The following BCL2 variants were observed in gnomAD, a reference collection of about 807,000 sequenced individuals.
BCL2 encodes the protein apoptosis regulator Bcl-2.
In BCL2, 1 loss-of-function variant was observed where a neutral mutation model predicts 14.2. The observed-to-expected ratio is 0.07, with a 90% confidence interval of 0.02 to 0.33. The LOEUF is 0.33. Among genes scored for constraint, BCL2 ranks in the 10% least tolerant of loss-of-function variants. BCL2 has a pLI of 0.99. For missense variants in BCL2, 247 were observed against 305.9 expected (o/e 0.81, Z 1.44); for synonymous variants, 151 against 137.2 (o/e 1.10, Z -0.70).
chr18:63,142,170 A>G (rs537153742), intron 2 of BCL2, among the ~76,000 whole-genome samples: 13 of 152,342 alleles, frequency 8.5e-5, no homozygotes, highest in African/African-American at 3.1e-4. Flanking sequence ...TGGGGAGTAC[A>G]AAGAACCTGC....
intron 2 of BCL2, among the ~76,000 whole-genome samples, chr18:63,238,559 C>G (rs1225552187): frequency 6.6e-6 from 1 of 152,212 alleles, no homozygotes; most frequent in East Asian, 1.9e-4. Flanking sequence ...TTGCAATGTT[C>G]TGTCCCCGTT....
intron 2 of BCL2, among the ~76,000 whole-genome samples, chr18:63,301,088 G>A (rs1052620022): frequency 1.5e-4 from 23 of 152,314 alleles, no homozygotes; most frequent in Admixed American, 1.3e-3. Flanking sequence ...CTGAAAATAT[G>A]TTAGATAAAA....
At chr18:63,216,400 TAA>T (rs35457535) in intron 2 of BCL2, among the ~76,000 whole-genome samples, 78 of 134,906 alleles carry the variant, frequency 5.8e-4, no homozygotes, top group East Asian at 2.6e-3. Flanking sequence ...AAATGTTTTC[TAA>T]AAAAAAAAAA....
At position 63,127,052 on chromosome 18, in the gene BCL2, C is replaced by CAGG; in HGVS notation, c.*1570_*1572dup. 1 of 227,552 alleles carries CAGG rather than the reference C, an allele frequency of 4.4e-6. No individual in the cohort carries two copies. The allele number at this position is 227,552 out of a possible 1,614,324, so 14.1% of individuals were successfully genotyped here. ...ACCATTGATTTTTTTTTTAATGCCC[C>CAGG]AGGATGTACAGATAACCCCCATATT... On this transcript the variant is annotated 3_prime_UTR_variant, in exon 3 of 3. Transcript: ENST00000333681.
upstream of BCL2, chr18:63,319,837 G>A (rs1186438878): frequency 5.5e-6 from 1 of 180,820 alleles, no homozygotes; most frequent in Non-Finnish European, 1.2e-5. Context: ...TGACTGCTAC[G>A]AAGTTCTCCC....
intron 2 of BCL2, among the ~76,000 whole-genome samples, chr18:63,136,971 T>C (rs1424213064): frequency 6.6e-6 from 1 of 152,240 alleles, no homozygotes; most frequent in East Asian, 1.9e-4. Context: ...CACTTCTCTC[T>C]CCCTTTACCT....
intron 2 of BCL2, among the ~76,000 whole-genome samples, chr18:63,177,408 G>A (rs569038547): frequency 1.3e-5 from 2 of 152,212 alleles, no homozygotes; most frequent in African/African-American, 4.8e-5. Flanking sequence ...AAGAAACCAG[G>A]CCTGACCCAG....
chr18:63,260,446 A>C (rs1052637935), intron 2 of BCL2, among the ~76,000 whole-genome samples: 3 of 152,228 alleles, frequency 2.0e-5, no homozygotes, highest in African/African-American at 7.2e-5. Flanking sequence ...CTTAGCAGTT[A>C]CTAGTCCATA....
chr18:63,178,019 A>G (rs1306640664), intron 2 of BCL2, among the ~76,000 whole-genome samples: 1 of 152,210 alleles, frequency 6.6e-6, no homozygotes, highest in Non-Finnish European at 1.5e-5. Context: ...TCACAGTCCC[A>G]GTGTGAGCTC....
At chr18:63,256,703 T>G (rs34971240) in intron 2 of BCL2, among the ~76,000 whole-genome samples, 94,396 of 151,878 alleles carry the variant, frequency 0.62, 32,434 homozygotes, top group Non-Finnish European at 0.79. Flanking sequence ...GGGTATGGGG[T>G]TCTACTTACA....
At chr18:63,204,403 C>G (rs1207888247) in intron 2 of BCL2, among the ~76,000 whole-genome samples, 1 of 152,198 alleles carries the variant, frequency 6.6e-6, no homozygotes. Flanking sequence ...GCCAACCCCT[C>G]TCTGTTTTTG....
intron 2 of BCL2, among the ~76,000 whole-genome samples, chr18:63,155,270 C>G (rs930271301): frequency 1.3e-5 from 2 of 152,184 alleles, no homozygotes; most frequent in African/African-American, 4.8e-5. Context: ...AGGCTCGGGA[C>G]AGCAGGGCCA....
intron 2 of BCL2, among the ~76,000 whole-genome samples, chr18:63,221,610 G>C (rs957840319): frequency 4.6e-5 from 7 of 152,192 alleles, no homozygotes; most frequent in Non-Finnish European, 8.8e-5. Flanking sequence ...CCCATGCAGG[G>C]ACATGACCTT....
intron 2 of BCL2, among the ~76,000 whole-genome samples, chr18:63,220,065 T>C (rs1193104020): frequency 6.6e-6 from 1 of 152,214 alleles, no homozygotes; most frequent in Admixed American, 6.5e-5. Flanking sequence ...TAGTTTAACT[T>C]CAGTTATAAT....
At chr18:63,294,734 T>C (rs1298771509) in intron 2 of BCL2, among the ~76,000 whole-genome samples, 1 of 152,184 alleles carries the variant, frequency 6.6e-6, no homozygotes, top group Admixed American at 6.5e-5. Context: ...AAAAGCTTTT[T>C]AATTCATAGA....
At chr18:63,137,107 T>C (rs1478608521) in intron 2 of BCL2, among the ~76,000 whole-genome samples, 1 of 152,256 alleles carries the variant, frequency 6.6e-6, no homozygotes, top group African/African-American at 2.4e-5. Flanking sequence ...ATCAAATCTG[T>C]TGCTTCCATG....
At chr18:63,133,319 A>ATTTTTTTTTTTTT (rs34022610) in intron 2 of BCL2, among the ~76,000 whole-genome samples, 7 of 103,380 alleles carry the variant, frequency 6.8e-5, no homozygotes, top group Non-Finnish European at 9.5e-5. Flanking sequence ...ACCTTCAAGA[A>ATTTTTTTTTTTTT]TTTTTTTTTT....
chr18:63,177,655 C>T (rs912310375), intron 2 of BCL2, among the ~76,000 whole-genome samples: 8 of 152,212 alleles, frequency 5.3e-5, no homozygotes, highest in Non-Finnish European at 2.9e-5. Flanking sequence ...TGTGATAGAT[C>T]AGTATTTGTT....
intron 2 of BCL2, among the ~76,000 whole-genome samples, chr18:63,155,839 C>T (rs1914766006): frequency 1.3e-5 from 2 of 152,068 alleles, no homozygotes; most frequent in Middle Eastern, 3.2e-3. Flanking sequence ...GAGTGCTTGT[C>T]GCACCCTCTC....
Sources: allele counts gnomAD v4.1 joint callset (sites outside exome capture counted in the v4.1 genomes callset), GRCh38; gene constraint gnomAD v4.1.1; transcripts MANE v1.5; gene names NCBI Gene and HGNC (gene_info 2026-07-23, HGNC 2026-07-21).